The following DAB1 variants were observed in gnomAD, a reference collection of about 807,000 sequenced individuals.
The protein encoded by DAB1 is disabled homolog 1.
DAB1 carries 15 observed loss-of-function variants against 64.6 expected under a neutral mutation model. The observed-to-expected ratio is 0.23, with a 90% CI of 0.16 to 0.36. The LOEUF (loss-of-function observed/expected upper bound fraction) is 0.36, where lower values mean the gene tolerates loss of function less well. Ranked by LOEUF, DAB1 falls within the 10% of genes least tolerant of loss-of-function variation. The pLI, the probability that DAB1 is intolerant of heterozygous loss-of-function variation, is 1.00. For missense variants in DAB1, 596 were observed against 706.7 expected, an observed-to-expected ratio of 0.84 and a Z score of 1.78; for synonymous variants, 235 against 251.9, an observed-to-expected ratio of 0.93 and a Z score of 0.64.
intron 4 of DAB1, among the ~76,000 whole-genome samples, chr1:58,196,726 C>A (rs111757792): frequency 2.0e-5 from 3 of 152,210 alleles, no homozygotes; most frequent in Non-Finnish European, 4.4e-5. Context: ...ACTTATAAAC[C>A]ATCAGATCTC....
intron 2 of DAB1, 126 bp downstream of exon 2, chr1:57,290,838 C>T (rs939980429): frequency 1.7e-6 from 1 of 573,424 alleles, no homozygotes; most frequent in East Asian, 3.1e-5. Context: ...TAACACAAAA[C>T]ACACAAAATA....
chr1:57,321,621 T>C (rs138384618), intron 1 of DAB1, among the ~76,000 whole-genome samples: 113 of 152,298 alleles, frequency 7.4e-4, no homozygotes, highest in Non-Finnish European at 1.4e-3. Flanking sequence ...AAGCAGGTGA[T>C]ACAGTTAAAA....
chr1:57,585,090 A>T (rs558107100), intron 7 of DAB1, among the ~76,000 whole-genome samples: 1 of 152,078 alleles, frequency 6.6e-6, no homozygotes, highest in African/African-American at 2.4e-5. Flanking sequence ...CTCTACTAAA[A>T]ATACAAAAAT....
chr1:57,988,960 G>A (rs186166631), intron 5 of DAB1, among the ~76,000 whole-genome samples: 31 of 152,154 alleles, frequency 2.0e-4, no homozygotes, highest in African/African-American at 7.0e-4. Flanking sequence ...TATTTCTCAA[G>A]AACCTGGTTT....
intron 7 of DAB1, among the ~76,000 whole-genome samples, chr1:57,070,562 T>C (rs1383986477): frequency 6.6e-6 from 1 of 152,196 alleles, no homozygotes; most frequent in African/African-American, 2.4e-5. Flanking sequence ...GCTTGCCCCA[T>C]CGGGGGTCAG....
chr1:57,312,083 T>G (rs1674759325), intron 1 of DAB1, among the ~76,000 whole-genome samples: 1 of 152,244 alleles, frequency 6.6e-6, no homozygotes, highest in Admixed American at 6.5e-5. Flanking sequence ...TGTTACTCTC[T>G]GTCAAAAGAA....
intron 2 of DAB1, among the ~76,000 whole-genome samples, chr1:57,156,148 G>A (rs1053896668): frequency 6.6e-5 from 10 of 152,148 alleles, no homozygotes; most frequent in South Asian, 2.1e-4. Context: ...ATGTGCCTCC[G>A]CTTTCACCCT....
At chr1:57,240,441 A>G (rs541463954) in intron 2 of DAB1, among the ~76,000 whole-genome samples, 1 of 152,344 alleles carries the variant, frequency 6.6e-6, no homozygotes, top group South Asian at 2.1e-4. Flanking sequence ...CAGCTGAAAT[A>G]TTAAGAAATT....
At chr1:58,162,726 A>T (rs753885624) in intron 4 of DAB1, among the ~76,000 whole-genome samples, 16 of 152,296 alleles carry the variant, frequency 1.1e-4, no homozygotes, top group Middle Eastern at 6.8e-3. Flanking sequence ...GGTGGTATAC[A>T]TTGTATGTAT....
chr1:58,274,854 C>T (rs1174674737), intron 4 of DAB1, among the ~76,000 whole-genome samples: 1 of 152,132 alleles, frequency 6.6e-6, no homozygotes, highest in Non-Finnish European at 1.5e-5. Context: ...ATGCCTCGCC[C>T]TGCTTCGGCT....
intron 7 of DAB1, among the ~76,000 whole-genome samples, chr1:57,560,165 C>T (rs1204565220): frequency 6.6e-6 from 1 of 152,244 alleles, no homozygotes; most frequent in Non-Finnish European, 1.5e-5. Flanking sequence ...CTGCCTTCAG[C>T]TGGCAAGGCC....
At chr1:58,247,292 A>C (rs1185582843) in intron 4 of DAB1, among the ~76,000 whole-genome samples, 3 of 147,694 alleles carry the variant, frequency 2.0e-5, no homozygotes, top group Non-Finnish European at 4.5e-5. Context: ...TAAATAAATA[A>C]TACATGACTG....
chr1:58,214,115 C>T (rs573046513), intron 4 of DAB1, among the ~76,000 whole-genome samples: 32 of 152,254 alleles, frequency 2.1e-4, no homozygotes, highest in African/African-American at 7.7e-4. Context: ...ATTGCCTTTC[C>T]ACCCTTATTT....
At chr1:57,144,245 T>C (rs1302613830) in intron 3 of DAB1, among the ~76,000 whole-genome samples, 1 of 152,062 alleles carries the variant, frequency 6.6e-6, no homozygotes, top group Non-Finnish European at 1.5e-5. Context: ...GAAATACATA[T>C]GATATTTGTA....
chr1:57,157,999 G>A (rs1028787849), intron 2 of DAB1, among the ~76,000 whole-genome samples: 1 of 152,186 alleles, frequency 6.6e-6, no homozygotes, highest in Admixed American at 6.5e-5. Flanking sequence ...ACCCTTTGAG[G>A]TCGGAAGGCA....
At chr1:58,120,066 C>A (rs1363414561) in intron 5 of DAB1, among the ~76,000 whole-genome samples, 1 of 152,106 alleles carries the variant, frequency 6.6e-6, no homozygotes, top group Non-Finnish European at 1.5e-5. Context: ...CCTTTACTGG[C>A]CTCGTCTTTT....
intron 6 of DAB1, among the ~76,000 whole-genome samples, chr1:57,782,689 C>G (rs937774207): frequency 6.6e-6 from 1 of 152,068 alleles, no homozygotes; most frequent in Non-Finnish European, 1.5e-5. Flanking sequence ...ATCTTGGGTG[C>G]TTTTAAATTT....
At position 58,322,078 on chromosome 1, in the gene DAB1, C is replaced by T. The variant is rs150125350; in HGVS notation, n.309+21274G>A. On this transcript the variant is annotated intron_variant and non_coding_transcript_variant, in intron 4 of 20. Coordinates refer to the DAB1 transcript ENST00000485760. Reference sequence around the variant, plus strand: ...CTGGATCCCTTCCTTACACCTTATACAAAATTTAATTCAAGATGGATTAAA... The same window carrying T: ...CTGGATCCCTTCCTTACACCTTATATAAAATTTAATTCAAGATGGATTAAA... Among the ~76,000 whole-genome samples, 830 of 152,298 alleles carry T rather than the reference C, an allele frequency of 5.4e-3. 6 individuals carry two copies. The highest frequency in any genetic ancestry group is 0.014 in the Middle Eastern group (4 of 294).
At position 57,589,705 on chromosome 1, in the gene DAB1, C is replaced by T. The variant is rs539920300; in HGVS notation, n.625+59887G>A. Among the ~76,000 whole-genome samples, 10 of 151,874 alleles carry T rather than the reference C, an allele frequency of 6.6e-5. No individual in the cohort carries two copies. In the East Asian group the frequency reaches 1.2e-3, roughly 18 times the overall value. On this transcript the variant is annotated intron_variant and non_coding_transcript_variant, in intron 7 of 20. Coordinates refer to the DAB1 transcript ENST00000485760. ...CCAGGAGGGGGAGGTTGCAATGAGC[C>T]GAAATCATGACACTGCACACCAGCC...
Sources: gnomAD v4.1 joint callset for allele counts (sites outside exome capture counted in the v4.1 genomes callset) on GRCh38, gnomAD v4.1.1 for gene constraint, MANE v1.5 for transcripts, NCBI Gene and HGNC (gene_info 2026-07-23, HGNC 2026-07-21) for gene names.